Variants in GFER observed in about 807,000 individuals in gnomAD.
The protein encoded by GFER is FAD-linked sulfhydryl oxidase ALR.
A neutral mutation model predicts 18.2 loss-of-function variants in GFER; 24 were observed. The observed-to-expected ratio is 1.32, with a 90% CI of 0.96 to 1.86. GFER has a LOEUF of 1.86. GFER is among the 40% of genes most tolerant of loss of function. The pLI, the probability that GFER is intolerant of heterozygous loss-of-function variation, is 0.00. For synonymous variants in GFER, 138 were observed against 126.9 expected, an observed-to-expected ratio of 1.09 and a Z score of -0.59; for missense variants, 316 against 295.6, an observed-to-expected ratio of 1.07 and a Z score of -0.51.
At chr16:1,985,022 C>G (rs931891068) in intron 2 of GFER, 79 bp downstream of exon 2, 8 of 1,114,562 alleles carry the variant, frequency 7.2e-6, no homozygotes, top group South Asian at 6.2e-5. Flanking sequence ...TAGCGGGGAA[C>G]GTAGAGAAAC....
chr16:1,985,898 G>T lies in GFER; in HGVS notation c.488G>T (p.Arg163Leu), dbSNP rs755147804. The T allele has an allele frequency of 1.2e-6, 2 of 1,612,826 alleles. No individual in the cohort carries two copies. The highest frequency in any genetic ancestry group is 8.5e-7 in the Non-Finnish European group (1 of 1,179,960). The change falls in exon 3 of 3, where the codon CGG (arginine) becomes CTG (leucine). Residue 163 changes from arginine to leucine, a missense_variant. Arg to Leu is a moderately radical substitution (Grantham distance 102). Transcript: ENST00000248114. ...LCRNHPDTRT[R>L]ACFTQWLCHL... ...AGGAACCACCCAGACACCCGCACCC[G>T]GGCATGCTTCACACAGTGGCTGTGC...
In GFER at chr16:1,984,377, G is replaced by T. The variant is rs752327413; in HGVS notation, c.159G>T (p.Gln53His). 1.3e-6 allele frequency: 2 copies of T among 1,531,538 alleles called. No individual in the cohort carries two copies. Among genetic ancestry groups the T allele is most frequent in the South Asian group, 2.4e-5 (2 of 83,822 alleles). 94.9% of individuals were successfully genotyped at this position (1,531,538 alleles called of 1,614,324 possible). A position where few individuals can be genotyped will look rare whatever the true frequency, so the allele number is the denominator to read the frequency against. ...CCGCCTCGGCCTCGACGCCAGCCCA[G>T]GCGCCGACCTCCGATTCTCCTGTCG... ...DAAASASTPA[Q>H]APTSDSPVAE... Residue 53 changes from glutamine (Q) to histidine (H), a missense_variant, in exon 1 of 3, where the codon CAG becomes CAT. Coordinates refer to ENST00000248114, the MANE Select transcript of GFER (RefSeq NM_005262.3).
rs868196153 is a variant in GFER, at chr16:1,986,526, G to C, written c.*498G>C. 4.5e-6 allele frequency: 1 copy of C among 223,518 alleles called. No individual in the cohort carries two copies. The highest frequency in any genetic ancestry group is 9.1e-6 in the Non-Finnish European group (1 of 109,680). 13.8% of individuals were successfully genotyped at this position (223,518 alleles called of 1,614,324 possible). Reference sequence around the variant, plus strand: ...GCTCAGTCCCTACAGGGAAAGCTCAGGTCGGGTCTTTCTGAGGGTCCACCA... The same window carrying C: ...GCTCAGTCCCTACAGGGAAAGCTCACGTCGGGTCTTTCTGAGGGTCCACCA... On this transcript the variant is annotated 3_prime_UTR_variant, in exon 3 of 3. Transcript: ENST00000248114.
chr16:1,986,090 C>T lies in GFER; in HGVS notation c.*62C>T. 6.5e-7 allele frequency: 1 copy of T among 1,531,812 alleles called. No homozygotes were observed. Among genetic ancestry groups the T allele is most frequent in the Non-Finnish European group, 9.0e-7 (1 of 1,112,520 alleles). 94.9% of individuals were successfully genotyped at this position (1,531,812 alleles called of 1,614,324 possible). A position where few individuals can be genotyped will look rare whatever the true frequency, so the allele number is the denominator to read the frequency against. On this transcript the variant is annotated 3_prime_UTR_variant, in exon 3 of 3. Coordinates refer to ENST00000248114, the MANE Select transcript of GFER (RefSeq NM_005262.3). ...GGCATGGTTGGATAGGGGCAGGGCA[C>T]TCATTAAAGTGCATCACAGCCAGAG...
rs776799405 is a variant in GFER, at chr16:1,984,731, C to G, written c.259-16C>G. ...TTCGGAGAATGAACTCACTCTCGGT[C>G]GGCCTGCTTCCGCAGCGGGACACCA... On this transcript the variant is annotated splice_polypyrimidine_tract_variant and intron_variant, in intron 1 of 2. Transcript: ENST00000248114. 3 of 1,601,656 alleles carry G rather than the reference C, an allele frequency of 1.9e-6. No individual in the cohort carries two copies. Among genetic ancestry groups the G allele is most frequent in the Non-Finnish European group, 2.5e-6 (3 of 1,177,318 alleles).
rs1398481343 is a variant in GFER, at chr16:1,984,754, C to G, written c.266C>G (p.Thr89Ser). 4.4e-6 allele frequency: 7 copies of G among 1,608,608 alleles called. No individual in the cohort carries two copies. The highest frequency in any genetic ancestry group is 2.2e-5 in the East Asian group (1 of 44,888). Residue 89 changes from threonine (T) to serine (S), a missense_variant, in exon 2 of 3, where the codon ACC becomes AGC. Coordinates refer to ENST00000248114, the MANE Select transcript of GFER (RefSeq NM_005262.3). ...GTCGGCCTGCTTCCGCAGCGGGACA[C>G]CAAGTTTAGGGAGGACTGCCCGCCG... Reference protein sequence around the residue: ...TWMRTQQKRDTKFREDCPPDR... With the variant: ...TWMRTQQKRDSKFREDCPPDR...
chr16:1,984,334 C>A lies in GFER; in HGVS notation c.116C>A (p.Ala39Glu). 1 of 1,489,326 alleles carries A rather than the reference C, an allele frequency of 6.7e-7. No individual in the cohort carries two copies. The highest frequency in any genetic ancestry group is 8.9e-7 in the Non-Finnish European group (1 of 1,127,832). 92.3% of individuals were successfully genotyped at this position (1,489,326 alleles called of 1,614,324 possible). Residue 39 changes from alanine (A) to glutamate (E), a missense_variant, in exon 1 of 3, where the codon GCG becomes GAG. Coordinates refer to ENST00000248114, the MANE Select transcript of GFER (RefSeq NM_005262.3). ...DLATDARGRG[A>E]GRRDAAASAS... ...GCGACCGACGCGCGGGGCCGGGGCG[C>A]GGGGCGGAGAGACGCGGCCGCCTCG...
chr16:1,984,621 G>A (rs1469328791), intron 1 of GFER, 126 bp from the exon 2 acceptor site: 11 of 1,361,956 alleles, frequency 8.1e-6, no homozygotes, highest in South Asian at 2.3e-5. Context: ...TCATCCGCGC[G>A]TGGGTTGGAT....
At chr16:1,985,228 A>G (rs1409727631) in intron 2 of GFER, among the ~76,000 whole-genome samples, 1 of 152,254 alleles carries the variant, frequency 6.6e-6, no homozygotes, top group African/African-American at 2.4e-5. Context: ...GTTTCCCGCA[A>G]GTTAGGGAAG....
Position 1,985,914 on chromosome 16 carries a change from G to T in GFER, c.504G>T (p.Gln168His). Residue 168 changes from glutamine (Q) to histidine (H), a missense_variant, in exon 3 of 3, where the codon CAG becomes CAT. Gln to His is a conservative substitution (Grantham distance 24). Transcript: ENST00000248114. ...CCCGCACCCGGGCATGCTTCACACA[G>T]TGGCTGTGCCACCTGCACAATGAAG... is the stretch of plus-strand genomic sequence containing the variant. Reference protein sequence around the residue: ...PDTRTRACFTQWLCHLHNEVN... With the variant: ...PDTRTRACFTHWLCHLHNEVN... The T allele has an allele frequency of 6.2e-7, 1 of 1,613,034 alleles. No homozygotes were observed. Among genetic ancestry groups the T allele is most frequent in the Non-Finnish European group, 8.5e-7 (1 of 1,179,962 alleles).
rs17135745 is a variant in GFER at position 1,986,779 on chromosome 16, C to T, written c.*751C>T. ...GCATTTCCTGCTGGGGTCCTGGTTC[C>T]TCAGGAGAGAGAGACCACAGGGTGA... On this transcript the variant is annotated 3_prime_UTR_variant, in exon 3 of 3. Coordinates refer to ENST00000248114, the MANE Select transcript of GFER (RefSeq NM_005262.3). The T allele has an allele frequency of 0.15, 22,715 of 154,390 alleles. 2,120 individuals are homozygous for T. The highest frequency in any genetic ancestry group is 0.3 in the South Asian group (1,474 of 4,948). 9.6% of individuals were successfully genotyped at this position (154,390 alleles called of 1,614,324 possible).
In GFER at chr16:1,986,458, T is replaced by C. The variant is rs983699491; in HGVS notation, c.*430T>C. On this transcript the variant is annotated 3_prime_UTR_variant, in exon 3 of 3. Coordinates refer to ENST00000248114, the MANE Select transcript of GFER (RefSeq NM_005262.3). The stretch of plus-strand genomic sequence containing the variant: ...CAGCCAGGGATGCCCCTGCCCCCCA[T>C]GGCTCTGTGCTGCTCACTTTAGGGG... 5 of 345,298 alleles carry C rather than the reference T, an allele frequency of 1.4e-5. No individual in the cohort carries two copies. The highest frequency in any genetic ancestry group is 2.8e-5 in the Non-Finnish European group (5 of 175,484). The allele number at this position is 345,298 out of a possible 1,614,324, so 21.4% of individuals were successfully genotyped here.
Position 1,984,302 on chromosome 16 carries a change from C to G in GFER, c.84C>G (p.Asp28Glu). ...GGGGCGCGCGCTCCGAGATGATGGA[C>G]GACCTGGCGACCGACGCGCGGGGCC... ...LPGGARSEMM[D>E]DLATDARGRG... The change falls in exon 1 of 3, where the codon GAC (aspartate) becomes GAG (glutamate). Residue 28 changes from aspartate to glutamate, a missense_variant. Asp to Glu is a conservative substitution (Grantham distance 45). Coordinates refer to ENST00000248114, the MANE Select transcript of GFER (RefSeq NM_005262.3). 1 of 1,481,540 alleles carries G rather than the reference C, an allele frequency of 6.7e-7. No individual in the cohort carries two copies. Among genetic ancestry groups the G allele is most frequent in the Non-Finnish European group, 8.9e-7 (1 of 1,123,744 alleles). 91.8% of individuals were successfully genotyped at this position (1,481,540 alleles called of 1,614,324 possible).
Position 1,984,728 on chromosome 16 carries a change from G to C in GFER, c.259-19G>C. On this transcript the variant is annotated intron_variant, in intron 1 of 2. Coordinates refer to ENST00000248114, the MANE Select transcript of GFER (RefSeq NM_005262.3). ...TTGTTCGGAGAATGAACTCACTCTC[G>C]GTCGGCCTGCTTCCGCAGCGGGACA... is the stretch of plus-strand genomic sequence containing the variant. The C allele has an allele frequency of 1.2e-6, 2 of 1,601,314 alleles. No homozygotes were observed. The highest frequency in any genetic ancestry group is 1.7e-6 in the Non-Finnish European group (2 of 1,177,294).
At chr16:1,984,624 GGT>G in intron 1 of GFER, 121 bp from the exon 2 acceptor site, 1 of 1,363,588 alleles carries the variant, frequency 7.3e-7, no homozygotes, top group Non-Finnish European at 1.0e-6. Context: ...TCCGCGCGTG[GGT>G]TGGATCGTCT....
chr16:1,984,676 C>A (rs1403121986), intron 1 of GFER, 71 bp from the exon 2 acceptor site: 1 of 1,449,348 alleles, frequency 6.9e-7, no homozygotes, highest in Non-Finnish European at 9.6e-7. Flanking sequence ...ACCGGCTGGG[C>A]CGTACAGTGG....
intron 1 of GFER, 128 bp from the exon 2 acceptor site, chr16:1,984,619 G>A (rs945934439): frequency 1.5e-6 from 2 of 1,357,568 alleles, no homozygotes; most frequent in African/African-American, 1.4e-5. Context: ...CTTCATCCGC[G>A]CGTGGGTTGG....
chr16:1,985,016 G>T, intron 2 of GFER, 73 bp downstream of exon 2: 1 of 1,194,006 alleles, frequency 8.4e-7, no homozygotes, highest in Admixed American at 1.7e-5. Context: ...ACGTTATAGC[G>T]GGGAACGTAG....
chr16:1,984,846 C>A lies in GFER; in HGVS notation c.358C>A (p.Leu120Met), dbSNP rs1255193848. 1 of 1,613,636 alleles carries A rather than the reference C, an allele frequency of 6.2e-7. No homozygotes were observed. Among genetic ancestry groups the A allele is most frequent in the Admixed American group, 1.7e-5 (1 of 60,028 alleles). Reference sequence around the variant, plus strand: ...CACCCTGGCCGCCTACTACCCCGACCTGCCCACCCCAGAACAGCAGCAAGA... The same window carrying A: ...CACCCTGGCCGCCTACTACCCCGACATGCCCACCCCAGAACAGCAGCAAGA... ...LHTLAAYYPD[L>M]PTPEQQQDMA... Residue 120 changes from leucine (L) to methionine (M), a missense_variant, in exon 2 of 3, where the codon CTG (leucine) becomes ATG (methionine). Leu to Met is a conservative substitution (Grantham distance 15). Coordinates refer to ENST00000248114, the MANE Select transcript of GFER (RefSeq NM_005262.3).
Sources: allele counts gnomAD v4.1 joint callset (sites outside exome capture counted in the v4.1 genomes callset), GRCh38; gene constraint gnomAD v4.1.1; transcripts MANE v1.5; gene names NCBI Gene and HGNC (gene_info 2026-07-23, HGNC 2026-07-21).